The following FHOD3 variants were observed in gnomAD, a reference collection of about 807,000 sequenced individuals.
FHOD3 encodes the protein formin homology 2 domain containing 3.
A neutral mutation model predicts 173.0 loss-of-function variants in FHOD3; 90 were observed. The observed-to-expected ratio is 0.52, with a 90% CI of 0.44 to 0.62. The LOEUF (loss-of-function observed/expected upper bound fraction) is 0.62, where lower values mean the gene tolerates loss of function less well. Ranked by LOEUF, FHOD3 falls within the 20% of genes least tolerant of loss-of-function variation. The pLI is 0.00. For synonymous variants in FHOD3, 828 were observed against 823.0 expected, an observed-to-expected ratio of 1.01 and a Z score of -0.10; for missense variants, 1,945 against 2,034.7, an observed-to-expected ratio of 0.96 and a Z score of 0.85.
chr18:36,654,163 C>T (rs1041906899), intron 13 of FHOD3, among the ~76,000 whole-genome samples: 1 of 152,162 alleles, frequency 6.6e-6, no homozygotes, highest in South Asian at 2.1e-4. Flanking sequence ...TTCGGGGACC[C>T]CAGTCTGGGT....
intron 3 of FHOD3, among the ~76,000 whole-genome samples, chr18:36,408,507 G>A (rs2049181722): frequency 6.6e-6 from 1 of 152,132 alleles, no homozygotes; most frequent in Non-Finnish European, 1.5e-5. Flanking sequence ...CAGGGGAAGG[G>A]CTGTCTCATG....
At position 36,450,443 on chromosome 18, in the gene FHOD3, GTTTA is replaced by G. The variant is rs78899431; in HGVS notation, c.338-51448_338-51445del. ...GACCAGTAGCATTTACGACCAGTTT[GTTTA>G]TTTATTTATTTATTTATTTATTTAT... On this transcript the variant is annotated intron_variant, in intron 3 of 28. Transcript: ENST00000590592. 4.7e-3 allele frequency among the ~76,000 whole-genome samples: 435 copies of G among 92,968 alleles called. 3 individuals are homozygous for G. The highest frequency in any genetic ancestry group is 0.028 in the South Asian group (88 of 3,162). The allele number at this position is 92,968 out of a possible 152,430, so 61.0% of individuals were successfully genotyped here.
intron 3 of FHOD3, among the ~76,000 whole-genome samples, chr18:36,417,220 A>G (rs2049702783): frequency 6.6e-6 from 1 of 151,956 alleles, no homozygotes; most frequent in African/African-American, 2.4e-5. Context: ...CCCTCCTCCC[A>G]TCATCCATCC....
At chr18:36,596,396 C>T (rs1226582414) in intron 7 of FHOD3, among the ~76,000 whole-genome samples, 1 of 139,484 alleles carries the variant, frequency 7.2e-6, no homozygotes, top group Non-Finnish European at 1.5e-5. Context: ...TGTTAGCCAG[C>T]ACGGTCTCAG....
At chr18:36,319,670 T>C (rs556668547) in intron 1 of FHOD3, among the ~76,000 whole-genome samples, 63 of 152,258 alleles carry the variant, frequency 4.1e-4, no homozygotes, top group African/African-American at 1.4e-3. Context: ...CCACCCCAAA[T>C]CAACAGAATA....
intron 11 of FHOD3, among the ~76,000 whole-genome samples, chr18:36,649,990 C>T (rs2035941943): frequency 2.6e-5 from 4 of 152,184 alleles, no homozygotes. Flanking sequence ...TACTCACCTC[C>T]TCTGCATGGT....
At chr18:36,340,708 C>T (rs1380237096) in intron 1 of FHOD3, among the ~76,000 whole-genome samples, 1 of 151,446 alleles carries the variant, frequency 6.6e-6, no homozygotes, top group African/African-American at 2.4e-5. Context: ...ACGATCTCGG[C>T]TCACTGCAAG....
chr18:36,757,100 T>A lies in FHOD3; in HGVS notation c.4425+1789T>A, dbSNP rs12959836. ...AAATTTCTTGCTAAATTCTTGAGATTTTTTACAGATCCCACTAATTTTTAA... is the reference window on the plus strand; with the variant it reads ...AAATTTCTTGCTAAATTCTTGAGATATTTTACAGATCCCACTAATTTTTAA... On this transcript the variant is annotated intron_variant, in intron 25 of 28. Transcript: ENST00000590592. Among the ~76,000 whole-genome samples, 667 of 152,386 alleles carry A rather than the reference T, an allele frequency of 4.4e-3. 5 individuals carry two copies. The highest frequency in any genetic ancestry group is 7.2e-3 in the Non-Finnish European group (491 of 68,038).
intron 10 of FHOD3, among the ~76,000 whole-genome samples, chr18:36,648,977 A>AGGAG (rs1179558928): frequency 6.6e-6 from 1 of 152,186 alleles, no homozygotes; most frequent in African/African-American, 2.4e-5. Flanking sequence ...AAAACCACAG[A>AGGAG]GGAGGTCTGC....
At chr18:36,352,816 C>T (rs1009857341) in intron 1 of FHOD3, among the ~76,000 whole-genome samples, 2 of 152,212 alleles carry the variant, frequency 1.3e-5, no homozygotes, top group African/African-American at 4.8e-5. Flanking sequence ...TTGATACTAT[C>T]AGCTGAACAC....
intron 3 of FHOD3, among the ~76,000 whole-genome samples, chr18:36,421,079 C>T (rs569476298): frequency 6.2e-4 from 94 of 152,142 alleles, no homozygotes; most frequent in Admixed American, 3.0e-3. Context: ...AATTGGCACT[C>T]GGGTGCTTGA....
At chr18:36,760,494 T>G in intron 26 of FHOD3, 114 bp from the exon 27 acceptor site, 1 of 1,004,750 alleles carries the variant, frequency 1.0e-6, no homozygotes, top group Non-Finnish European at 1.4e-6. Flanking sequence ...TGAATGTGTC[T>G]GCAAACAAAA....
chr18:36,534,121 T>G (rs2056895445), intron 5 of FHOD3, among the ~76,000 whole-genome samples: 1 of 152,194 alleles, frequency 6.6e-6, no homozygotes, highest in Admixed American at 6.5e-5. Flanking sequence ...TTCTTGGCCC[T>G]GAATGTGGGA....
chr18:36,461,626 A>G (rs1213891822), intron 3 of FHOD3, among the ~76,000 whole-genome samples: 1 of 152,122 alleles, frequency 6.6e-6, no homozygotes, highest in East Asian at 1.9e-4. Context: ...CATAGCTTCT[A>G]AATTTGCTTT....
intron 3 of FHOD3, among the ~76,000 whole-genome samples, chr18:36,437,611 C>T (rs2050877634): frequency 6.6e-6 from 1 of 150,716 alleles, no homozygotes; most frequent in African/African-American, 2.4e-5. Flanking sequence ...CTTGAAATGT[C>T]CTTCCACACT....
chr18:36,654,564 A>G (rs1176279661), intron 13 of FHOD3, among the ~76,000 whole-genome samples: 1 of 152,234 alleles, frequency 6.6e-6, no homozygotes, highest in African/African-American at 2.4e-5. Flanking sequence ...ATGAGACTTA[A>G]CTTCTGTCAG....
At chr18:36,443,143 A>C (rs8084724) in intron 3 of FHOD3, among the ~76,000 whole-genome samples, 42,507 of 152,024 alleles carry the variant, frequency 0.28, 7,448 homozygotes, top group East Asian at 0.56. Context: ...TGGTTTCTCC[A>C]CTAAGAAATT....
At position 36,681,430 on chromosome 18, in the gene FHOD3, C is replaced by G. The variant is rs780754499; in HGVS notation, c.1836-6C>G. ...CAACTGAAACATTAACTCATTGTAT[C>G]TCCAGGTCATCACCGAGTGGTCTTC... On this transcript the variant is annotated splice_region_variant and splice_polypyrimidine_tract_variant and intron_variant, in intron 14 of 28. Transcript: ENST00000590592. 6.2e-7 allele frequency: 1 copy of G among 1,613,656 alleles called. No individual in the cohort carries two copies. The highest frequency in any genetic ancestry group is 8.5e-7 in the Non-Finnish European group (1 of 1,179,768).
intron 3 of FHOD3, among the ~76,000 whole-genome samples, chr18:36,493,989 C>T (rs2054603517): frequency 6.6e-6 from 1 of 152,190 alleles, no homozygotes; most frequent in East Asian, 1.9e-4. Flanking sequence ...AAGCGTGATA[C>T]TGTAGATGTA....
Sources: gnomAD v4.1 joint callset for allele counts (sites outside exome capture counted in the v4.1 genomes callset) on GRCh38, gnomAD v4.1.1 for gene constraint, MANE v1.5 for transcripts, NCBI Gene and HGNC (gene_info 2026-07-23, HGNC 2026-07-21) for gene names.